The following PBX1 variants were observed in gnomAD, a reference collection of about 807,000 sequenced individuals.
The protein encoded by PBX1 is pre-B-cell leukemia transcription factor 1.
Under a neutral mutation model 53.4 loss-of-function variants are expected in PBX1, and 6 were observed. The ratio of observed to expected loss-of-function variants is 0.11; its 90% CI spans 0.06 to 0.22. The LOEUF (loss-of-function observed/expected upper bound fraction) is 0.22. Ranked by LOEUF, PBX1 falls within the 10% of genes least tolerant of loss-of-function variation. PBX1 has a pLI of 1.00. For synonymous variants in PBX1, 204 were observed against 212.3 expected, an observed-to-expected ratio of 0.96 and a Z score of 0.34; for missense variants, 251 against 551.4, an observed-to-expected ratio of 0.46 and a Z score of 5.46.
chr1:164,765,706 C>A (rs1483090194), intron 2 of PBX1, among the ~76,000 whole-genome samples: 1 of 152,088 alleles, frequency 6.6e-6, no homozygotes, highest in Non-Finnish European at 1.5e-5. Context: ...ACTGACTCTC[C>A]CAGAGTCAGA....
At chr1:164,776,232 G>T (rs1411107945) in intron 2 of PBX1, among the ~76,000 whole-genome samples, 1 of 152,154 alleles carries the variant, frequency 6.6e-6, no homozygotes, top group African/African-American at 2.4e-5. Context: ...TTGTACGTGG[G>T]TTCCTTCCCA....
At chr1:164,564,320 A>G (rs1308214497) in intron 2 of PBX1, among the ~76,000 whole-genome samples, 1 of 152,148 alleles carries the variant, frequency 6.6e-6, no homozygotes, top group Non-Finnish European at 1.5e-5. Flanking sequence ...TCTAAACCAT[A>G]TAAGCAAGGG....
At position 164,849,342 on chromosome 1, in the gene PBX1, CCTCCCCCGG is replaced by C. The variant is rs1454588987; in HGVS notation, c.*2668_*2676del. 3.3e-6 allele frequency: 5 copies of C among 1,535,644 alleles called. No individual in the cohort carries two copies. Among genetic ancestry groups the C allele is most frequent in the South Asian group, 2.4e-5 (2 of 84,054 alleles). On this transcript the variant is annotated 3_prime_UTR_variant, in exon 9 of 9. Transcript: ENST00000420696. ...CACTTAGTCTTCTCTATACCCAGCA[CCTCCCCCGG>C]CACCCCCGGCAAGCCCACTATCACT...
chr1:164,573,120 AAAGT>A (rs1317347781), intron 2 of PBX1, among the ~76,000 whole-genome samples: 23 of 152,196 alleles, frequency 1.5e-4, no homozygotes, highest in African/African-American at 9.7e-5. Flanking sequence ...TCATTTTTAA[AAAGT>A]AAGAAGAAGC....
At chr1:164,614,550 C>G (rs536454464) in intron 2 of PBX1, among the ~76,000 whole-genome samples, 1 of 152,252 alleles carries the variant, frequency 6.6e-6, no homozygotes, top group East Asian at 1.9e-4. Flanking sequence ...ACGTCCCTAC[C>G]TAAAATTGAT....
intron 2 of PBX1, among the ~76,000 whole-genome samples, chr1:164,875,342 G>A (rs975959759): frequency 2.6e-5 from 4 of 152,012 alleles, no homozygotes; most frequent in Non-Finnish European, 5.9e-5. Context: ...TCACTCTGTT[G>A]CCCAGGCTAG....
At chr1:164,827,208 G>A (rs1041986399) in intron 8 of PBX1, among the ~76,000 whole-genome samples, 1 of 152,138 alleles carries the variant, frequency 6.6e-6, no homozygotes, top group African/African-American at 2.4e-5. Flanking sequence ...TTAGTAAGAT[G>A]TTGCCACATG....
chr1:164,820,617 G>A (rs893611847), intron 7 of PBX1, among the ~76,000 whole-genome samples: 6 of 152,142 alleles, frequency 3.9e-5, no homozygotes, highest in South Asian at 2.1e-4. Context: ...ACTATCGGAC[G>A]TTTTCATTTT....
chr1:164,848,665 A>T lies in PBX1; in HGVS notation c.*1989A>T. ...TAGAAAAACAGGCCCTGGTTCCCTT[A>T]GTTTGCACTTGAACCCAATATGTTG... is the stretch of plus-strand genomic sequence containing the variant. On this transcript the variant is annotated 3_prime_UTR_variant, in exon 9 of 9. Transcript: ENST00000420696. The T allele has an allele frequency of 9.5e-7, 1 of 1,056,032 alleles. No individual in the cohort carries two copies. The highest frequency in any genetic ancestry group is 1.1e-6 in the Non-Finnish European group (1 of 873,568). 65.4% of individuals were successfully genotyped at this position (1,056,032 alleles called of 1,614,324 possible).
intron 2 of PBX1, among the ~76,000 whole-genome samples, chr1:164,617,881 C>T (rs34287355): frequency 0.19 from 28,435 of 151,976 alleles, 3,076 homozygotes; most frequent in Non-Finnish European, 0.25. Flanking sequence ...AAAGTGCTTC[C>T]GCATCTCTTG....
At chr1:164,782,421 G>A (rs1403261152) in intron 2 of PBX1, among the ~76,000 whole-genome samples, 4 of 152,156 alleles carry the variant, frequency 2.6e-5, no homozygotes, top group Admixed American at 2.6e-4. Context: ...CAGGGAGAAG[G>A]TGTATCATAT....
chr1:164,818,498 C>T (rs1343986949), intron 6 of PBX1: 1 of 152,140 alleles, frequency 6.6e-6, no homozygotes, highest in East Asian at 1.9e-4. Context: ...CCTCTAACCC[C>T]CAAAGAAAGC....
intron 8 of PBX1, among the ~76,000 whole-genome samples, chr1:164,836,590 T>C (rs1245972697): frequency 6.6e-6 from 1 of 152,136 alleles, no homozygotes; most frequent in Non-Finnish European, 1.5e-5. Flanking sequence ...ATCAGTAAAT[T>C]TGGCACAATG....
In PBX1 at chr1:164,575,482, CAG is replaced by C. The variant is rs375407476; in HGVS notation, c.265+12178_265+12179del. On this transcript the variant is annotated intron_variant, in intron 2 of 8. Coordinates refer to ENST00000420696, the MANE Select transcript of PBX1 (RefSeq NM_002585.4). ...TACCTAGTAGCCTGTGCTGGTAGGG[CAG>C]AGAGAGTCAGTCGTTTTTCCTGAGG... Among the ~76,000 whole-genome samples, 554 of 152,286 alleles carry C rather than the reference CAG, an allele frequency of 3.6e-3. 8 individuals are homozygous for C. Among genetic ancestry groups the C allele is most frequent in the African/African-American group, 0.012 (485 of 41,544 alleles).
intron 8 of PBX1, chr1:164,830,101 A>G (rs1670678546): frequency 6.6e-6 from 1 of 152,186 alleles, no homozygotes; most frequent in South Asian, 2.1e-4. Context: ...GTTATTTGGT[A>G]ACTGTAACTT....
At chr1:164,683,907 C>T (rs61801261) in intron 2 of PBX1, 10,064 of 152,212 alleles carry the variant, frequency 0.066, 452 homozygotes, top group South Asian at 0.15. Context: ...CAGCCTCTAA[C>T]TCCTGGGCAC....
chr1:164,667,450 G>A (rs180691065), intron 2 of PBX1, among the ~76,000 whole-genome samples: 1 of 151,508 alleles, frequency 6.6e-6, no homozygotes, highest in African/African-American at 2.4e-5. Context: ...GTATAGCTCT[G>A]TCTATATATA....
At chr1:164,734,146 A>G (rs1665146672) in intron 2 of PBX1, among the ~76,000 whole-genome samples, 1 of 152,210 alleles carries the variant, frequency 6.6e-6, no homozygotes, top group Admixed American at 6.5e-5. Context: ...TGCACTTTAC[A>G]TACATTTCAA....
At chr1:164,567,511 C>G (rs1313407869) in intron 2 of PBX1, among the ~76,000 whole-genome samples, 4 of 151,672 alleles carry the variant, frequency 2.6e-5, no homozygotes. Context: ...ACTTACAAAT[C>G]AGTTTTACCT....
Sources: gnomAD v4.1 joint callset for allele counts (sites outside exome capture counted in the v4.1 genomes callset) on GRCh38, gnomAD v4.1.1 for gene constraint, MANE v1.5 for transcripts, NCBI Gene and HGNC (gene_info 2026-07-23, HGNC 2026-07-21) for gene names.